Variants in SND1 observed in about 807,000 individuals in gnomAD.
SND1 encodes the protein staphylococcal nuclease domain-containing protein 1.
SND1 carries 38 observed loss-of-function variants against 121.7 expected under a neutral mutation model. The observed-to-expected ratio is 0.31, with a 90% CI of 0.24 to 0.41. SND1 has a LOEUF of 0.41. Ranked by LOEUF, SND1 falls within the 10% of genes least tolerant of loss-of-function variation. The probability of loss-of-function intolerance (pLI) is 1.00; values close to 1 mark genes in which losing one functional copy is unlikely to be tolerated. For synonymous variants in SND1, 401 were observed against 447.4 expected, an observed-to-expected ratio of 0.90 and a Z score of 1.31; for missense variants, 868 against 1,184.6, an observed-to-expected ratio of 0.73 and a Z score of 3.92.
At chr7:127,799,862 G>A (rs1370750903) in intron 10 of SND1, among the ~76,000 whole-genome samples, 1 of 152,176 alleles carries the variant, frequency 6.6e-6, no homozygotes. Context: ...GATCTATGAG[G>A]CTTCTGTGTA....
chr7:127,660,364 T>C (rs531906547), intron 1 of SND1, among the ~76,000 whole-genome samples: 1 of 152,334 alleles, frequency 6.6e-6, no homozygotes, highest in Admixed American at 6.5e-5. Context: ...GAGAGTCTAT[T>C]CTTGCCCTGC....
At chr7:128,091,171 G>C (rs1793772530) in intron 22 of SND1, among the ~76,000 whole-genome samples, 3 of 152,300 alleles carry the variant, frequency 2.0e-5, no homozygotes, top group South Asian at 4.1e-4. Context: ...GTGAAAAATA[G>C]AAGTGGAATC....
At chr7:127,680,937 A>C (rs2402868) in intron 1 of SND1, among the ~76,000 whole-genome samples, 47,620 of 151,844 alleles carry the variant, frequency 0.31, 8,096 homozygotes, top group African/African-American at 0.45. Context: ...GGAACTAATA[A>C]ATGTCCATGA....
chr7:127,737,742 GAA>G (rs1415261954), intron 10 of SND1, among the ~76,000 whole-genome samples: 2 of 152,212 alleles, frequency 1.3e-5, no homozygotes, highest in African/African-American at 4.8e-5. Flanking sequence ...AGGAAAATCT[GAA>G]ATCTGAAATG....
chr7:127,664,216 T>C (rs1312705890), intron 1 of SND1, among the ~76,000 whole-genome samples: 1 of 152,072 alleles, frequency 6.6e-6, no homozygotes, highest in Non-Finnish European at 1.5e-5. Context: ...GCTCAAGTGA[T>C]CCTCCTACCT....
intron 11 of SND1, among the ~76,000 whole-genome samples, chr7:127,815,576 A>T (rs1180314314): frequency 6.6e-6 from 1 of 152,110 alleles, no homozygotes; most frequent in Non-Finnish European, 1.5e-5. Flanking sequence ...GAAAGAGACC[A>T]TGTGACAGTG....
chr7:127,728,313 T>C (rs181212661), intron 10 of SND1, among the ~76,000 whole-genome samples: 12 of 152,310 alleles, frequency 7.9e-5, no homozygotes, highest in Non-Finnish European at 1.5e-4. Flanking sequence ...TCCATATCTC[T>C]CTCTTCCTTT....
At chr7:127,957,769 C>T (rs1024501252) in intron 15 of SND1, among the ~76,000 whole-genome samples, 7 of 152,112 alleles carry the variant, frequency 4.6e-5, no homozygotes, top group African/African-American at 7.2e-5. Flanking sequence ...GGCTCAATCT[C>T]GGCTCACTGC....
intron 10 of SND1, among the ~76,000 whole-genome samples, chr7:127,744,656 G>A (rs1796946037): frequency 6.6e-6 from 1 of 151,902 alleles, no homozygotes; most frequent in African/African-American, 2.4e-5. Context: ...TCCCTTTTTT[G>A]TGTTCAAAAA....
intron 10 of SND1, among the ~76,000 whole-genome samples, chr7:127,752,041 G>T (rs1243983752): frequency 2.6e-5 from 4 of 152,262 alleles, no homozygotes; most frequent in Non-Finnish European, 5.9e-5. Context: ...GATGGGGCCA[G>T]TTGGCTGGGA....
chr7:127,956,996 A>G (rs1801609854), intron 15 of SND1, among the ~76,000 whole-genome samples: 2 of 152,178 alleles, frequency 1.3e-5, no homozygotes, highest in African/African-American at 2.4e-5. Flanking sequence ...CATTTAATCA[A>G]TAGAGACCGT....
At chr7:127,710,374 A>T (rs1284591672) in intron 9 of SND1, among the ~76,000 whole-genome samples, 1 of 151,908 alleles carries the variant, frequency 6.6e-6, no homozygotes, top group Non-Finnish European at 1.5e-5. Flanking sequence ...AAATGCCTTG[A>T]TAAAGTGACA....
intron 10 of SND1, among the ~76,000 whole-genome samples, chr7:127,749,846 C>G (rs1401041441): frequency 2.6e-5 from 4 of 152,164 alleles, no homozygotes; most frequent in African/African-American, 9.6e-5. Context: ...GTGGCTCAAG[C>G]CTGCAATGCC....
chr7:127,858,281 C>T, intron 12 of SND1: 1 of 835,580 alleles, frequency 1.2e-6, no homozygotes, highest in African/African-American at 1.7e-5. Context: ...CCGGTCCGGG[C>T]ACTGCGGGGA....
At chr7:127,842,793 T>A (rs1798988210) in intron 11 of SND1, among the ~76,000 whole-genome samples, 1 of 152,150 alleles carries the variant, frequency 6.6e-6, no homozygotes, top group South Asian at 2.1e-4. Context: ...GCTGCAGTTA[T>A]AGGAGCAAGC....
chr7:127,807,551 G>C lies in SND1; in HGVS notation c.1220G>C (p.Arg407Pro). The change falls in exon 11 of 24, where the codon CGA (arginine) becomes CCA (proline). Residue 407 changes from arginine (R) to proline (P), a missense_variant. By Grantham distance (103) the Arg-to-Pro change is moderately radical. Around this residue, in one of 2 missense-constraint regions of SND1, gnomAD observed 743 missense variants for 1,071.3 expected, o/e 0.69. Coordinates refer to ENST00000354725, the MANE Select transcript of SND1 (RefSeq NM_014390.4). ...PYMFEAREFLRKKLIGKKVNV... is the reference protein window; with the variant it reads ...PYMFEAREFLPKKLIGKKVNV... ...ATGTTTGAGGCCCGGGAATTTCTTC[G>C]AAAAAAGCTTATTGGGAAGAAGGTA... The C allele has an allele frequency of 1.2e-6, 2 of 1,613,724 alleles. No homozygotes were observed. The highest frequency in any genetic ancestry group is 1.7e-6 in the Non-Finnish European group (2 of 1,179,744).
intron 8 of SND1, among the ~76,000 whole-genome samples, chr7:127,706,218 A>ATTTTTTTTTTTTTT (rs11404711): frequency 7.1e-6 from 1 of 140,080 alleles, no homozygotes. Flanking sequence ...AATTAATTTG[A>ATTTTTTTTTTTTTT]TTTTTTTTGC....
At chr7:127,936,468 A>AG (rs1446959272) in intron 15 of SND1, among the ~76,000 whole-genome samples, 2 of 152,066 alleles carry the variant, frequency 1.3e-5, no homozygotes, top group Non-Finnish European at 2.9e-5. Flanking sequence ...TATTTTGTCT[A>AG]GGGGGAGATT....
intron 16 of SND1, among the ~76,000 whole-genome samples, chr7:128,020,622 A>AT (rs1458534789): frequency 6.6e-6 from 1 of 152,186 alleles, no homozygotes; most frequent in Non-Finnish European, 1.5e-5. Flanking sequence ...CTCAGTGTCA[A>AT]TTGTCATCCC....
Sources: gnomAD v4.1 joint callset for allele counts (sites outside exome capture counted in the v4.1 genomes callset) on GRCh38, gnomAD v4.1.1 for gene constraint, gnomAD v4.1.1 regional missense constraint, MANE v1.5 for transcripts, NCBI Gene and HGNC (gene_info 2026-07-23, HGNC 2026-07-21) for gene names.